MRC1: variants seen among roughly 807,000 people sequenced by gnomAD.
MRC1 encodes macrophage mannose receptor 1.
A neutral mutation model predicts 102.9 loss-of-function variants in MRC1; 62 were observed. The ratio of observed to expected loss-of-function variants is 0.60; its 90% CI spans 0.49 to 0.74. The LOEUF is 0.74. Ranked by LOEUF, MRC1 falls within the 30% of genes least tolerant of loss-of-function variation. The pLI is 0.00. For synonymous variants in MRC1, 457 were observed against 298.4 expected, an observed-to-expected ratio of 1.53 and a Z score of -5.48; for missense variants, 1,237 against 862.8, an observed-to-expected ratio of 1.43 and a Z score of -5.43.
intron 26 of MRC1, among the ~76,000 whole-genome samples, chr10:17,902,929 C>T (rs1833847893): frequency 1.3e-5 from 2 of 152,166 alleles, no homozygotes; most frequent in South Asian, 4.1e-4. Context: ...ACATATTCGT[C>T]TACACTCATT....
intron 1 of MRC1, among the ~76,000 whole-genome samples, chr10:17,813,396 CAT>C: frequency 6.6e-6 from 1 of 152,262 alleles, no homozygotes; most frequent in East Asian, 1.9e-4. Context: ...TAATTATTAT[CAT>C]GTGATTATCA....
At chr10:17,811,465 G>C (rs1266960556) in intron 1 of MRC1, among the ~76,000 whole-genome samples, 4 of 152,132 alleles carry the variant, frequency 2.6e-5, no homozygotes, top group Admixed American at 2.0e-4. Flanking sequence ...GGAGAGAAGG[G>C]GGATGCTGAA....
chr10:17,909,297 TAC>T lies in MRC1; in HGVS notation c.4079-3_4079-2del, dbSNP rs1833937987. The T allele has an allele frequency of 1.2e-6, 1 of 867,150 alleles. No homozygotes were observed. The highest frequency in any genetic ancestry group is 2.0e-6 in the Non-Finnish European group (1 of 498,744). 53.7% of individuals were successfully genotyped at this position (867,150 alleles called of 1,614,324 possible). A position where few individuals can be genotyped will look rare whatever the true frequency, so the allele number is the denominator to read the frequency against. On this transcript the variant is annotated splice_region_variant and splice_polypyrimidine_tract_variant and intron_variant, in intron 28 of 29. Transcript: ENST00000569591. The stretch of plus-strand genomic sequence containing the variant: ...GGGTTTTTATAAATTTTTTTTTTTT[TAC>T]ACACAGTTATTGATGCTAAACCTAC...
chr10:17,875,375 G>C (rs1833415759), intron 17 of MRC1, 122 bp downstream of exon 17: 1 of 715,156 alleles, frequency 1.4e-6, no homozygotes, highest in East Asian at 2.5e-5. Flanking sequence ...CACCTGAGCA[G>C]TATACGCTGT....
rs1179816829 is a variant in MRC1, at chr10:17,814,677, CTTTTTTTTT to C, written c.61+5169_61+5177del. Among the ~76,000 whole-genome samples, 20 of 85,176 alleles carry C rather than the reference CTTTTTTTTT, an allele frequency of 2.3e-4. No individual in the cohort carries two copies. In the South Asian group the frequency reaches 4.9e-3, roughly 21 times the overall value. 55.9% of individuals were successfully genotyped at this position (85,176 alleles called of 152,430 possible). ...CCGTGTTCTCGGTCCTTCCGTCCCT[CTTTTTTTTT>C]TTTTTTTTTTTTTTTTTGAGACAGA... On this transcript the variant is annotated intron_variant, in intron 1 of 29. Coordinates refer to ENST00000569591, the MANE Select transcript of MRC1 (RefSeq NM_002438.4).
At chr10:17,907,255 C>T (rs1381973580) in intron 27 of MRC1, among the ~76,000 whole-genome samples, 1 of 152,006 alleles carries the variant, frequency 6.6e-6, no homozygotes, top group African/African-American at 2.4e-5. Context: ...TCTATGTTTT[C>T]GTGGGGCCAG....
chr10:17,837,040 G>T (rs570676347), intron 4 of MRC1, among the ~76,000 whole-genome samples: 3 of 152,158 alleles, frequency 2.0e-5, no homozygotes, highest in Non-Finnish European at 4.4e-5. Context: ...CAAGTGATCT[G>T]AGCGGACAGC....
At chr10:17,870,414 G>C in intron 13 of MRC1, 41 bp downstream of exon 13, 2 of 779,804 alleles carry the variant, frequency 2.6e-6, no homozygotes, top group Non-Finnish European at 4.8e-6. Context: ...TTGTTATCTA[G>C]TTGGTGCTTA....
At chr10:17,837,884 A>G (rs1554839574) in intron 4 of MRC1, among the ~76,000 whole-genome samples, 1 of 152,110 alleles carries the variant, frequency 6.6e-6, no homozygotes. Flanking sequence ...TACAGGCGTG[A>G]GCCACCATGC....
intron 22 of MRC1, among the ~76,000 whole-genome samples, chr10:17,886,279 GTTTTC>G (rs1833591497): frequency 6.9e-6 from 1 of 145,398 alleles, no homozygotes; most frequent in African/African-American, 2.6e-5. Context: ...AACTATGGGT[GTTTTC>G]TTCCTTCCTT....
intron 17 of MRC1, among the ~76,000 whole-genome samples, chr10:17,876,831 G>T (rs1432890443): frequency 4.6e-5 from 7 of 151,976 alleles, no homozygotes; most frequent in Non-Finnish European, 1.0e-4. Context: ...ATCACTGAAG[G>T]TATAATTTAT....
intron 4 of MRC1, among the ~76,000 whole-genome samples, chr10:17,837,882 T>C (rs1312701253): frequency 2.6e-5 from 4 of 152,100 alleles, no homozygotes; most frequent in African/African-American, 9.7e-5. Context: ...ATTACAGGCG[T>C]GAGCCACCAT....
At chr10:17,908,188 T>A (rs1308993654) in intron 28 of MRC1, among the ~76,000 whole-genome samples, 1 of 152,204 alleles carries the variant, frequency 6.6e-6, no homozygotes, top group Non-Finnish European at 1.5e-5. Flanking sequence ...ACAAGGTGCC[T>A]CTATCTGGAA....
At chr10:17,877,044 G>A (rs1833446193) in intron 17 of MRC1, among the ~76,000 whole-genome samples, 1 of 150,532 alleles carries the variant, frequency 6.6e-6, no homozygotes, top group South Asian at 2.1e-4. Context: ...AAACTCTCAA[G>A]ATGTTTTCTA....
Position 17,881,141 on chromosome 10 carries a change from T to G in MRC1, c.2940T>G (p.Phe980Leu). Residue 980 changes from phenylalanine (F) to leucine (L), a missense_variant, in exon 21 of 30, where the codon TTT (phenylalanine) becomes TTG (leucine). Coordinates refer to ENST00000569591, the MANE Select transcript of MRC1 (RefSeq NM_002438.4). Reference sequence around the variant, plus strand: ...AGGCACGAAAAGCTTGTATAGGCTTTGGAGGGAATCTGGTCTCCATACAAA... The same window carrying G: ...AGGCACGAAAAGCTTGTATAGGCTTGGGAGGGAATCTGGTCTCCATACAAA... ...WQEARKACIG[F>L]GGNLVSIQNE... 1 of 780,772 alleles carries G rather than the reference T, an allele frequency of 1.3e-6. No individual in the cohort carries two copies. The highest frequency in any genetic ancestry group is 2.4e-5 in the East Asian group (1 of 41,224). The allele number at this position is 780,772 out of a possible 1,614,324, so 48.4% of individuals were successfully genotyped here.
chr10:17,870,989 G>A (rs1564621028), intron 14 of MRC1, 54 bp downstream of exon 14: 1 of 844,726 alleles, frequency 1.2e-6, no homozygotes, highest in Non-Finnish European at 2.1e-6. Flanking sequence ...TATTTATTTT[G>A]ATGTTGTCTT....
chr10:17,809,402 G>A lies in MRC1; in HGVS notation c.-64G>A. The A allele has an allele frequency of 1.2e-5, 10 of 867,270 alleles. 1 individual carries two copies. The highest frequency in any genetic ancestry group is 2.2e-4 in the Middle Eastern group (1 of 4,530). 53.7% of individuals were successfully genotyped at this position (867,270 alleles called of 1,614,324 possible). A position where few individuals can be genotyped will look rare whatever the true frequency, so the allele number is the denominator to read the frequency against. ...GGTGGAGAGGCAGTTGGGGGGCCTC[G>A]TTGTTTTGCGTCTTAGTTCCGCCCT... On this transcript the variant is annotated 5_prime_UTR_variant, in exon 1 of 30. Coordinates refer to ENST00000569591, the MANE Select transcript of MRC1 (RefSeq NM_002438.4).
At chr10:17,814,125 C>T (rs1357736194) in intron 1 of MRC1, among the ~76,000 whole-genome samples, 1 of 152,172 alleles carries the variant, frequency 6.6e-6, no homozygotes, top group Non-Finnish European at 1.5e-5. Context: ...TGTCATTGTG[C>T]ACCTTTCCCT....
Position 17,852,935 on chromosome 10 carries a change from G to GT in MRC1, c.1250-31dup, listed in dbSNP as rs1838938753. ...CCCCGACCTTTGGAAAGCAACCCTT[G>GT]TATATACCACTGTGTGTTTCTTCCT... On this transcript the variant is annotated intron_variant, in intron 7 of 29. Coordinates refer to ENST00000569591, the MANE Select transcript of MRC1 (RefSeq NM_002438.4). The GT allele has an allele frequency of 6.4e-6, 5 of 780,646 alleles. No homozygotes were observed. The Admixed American group carries it at 8.5e-5, about 13-fold the overall frequency. 48.4% of individuals were successfully genotyped at this position (780,646 alleles called of 1,614,324 possible).
Sources: allele counts gnomAD v4.1 joint callset (sites outside exome capture counted in the v4.1 genomes callset), GRCh38; gene constraint gnomAD v4.1.1; transcripts MANE v1.5; gene names NCBI Gene and HGNC (gene_info 2026-07-23, HGNC 2026-07-21).